Variants in CNTNAP2 observed in about 807,000 individuals in gnomAD.
CNTNAP2 encodes contactin associated protein 2.
A neutral mutation model predicts 155.2 loss-of-function variants in CNTNAP2; 98 were observed. The observed-to-expected ratio is 0.63, with a 90% CI of 0.54 to 0.75. CNTNAP2 has a LOEUF of 0.75. Among genes scored for constraint, CNTNAP2 ranks in the 30% least tolerant of loss-of-function variants. The pLI, the probability that CNTNAP2 is intolerant of heterozygous loss-of-function variation, is 0.00. For synonymous variants in CNTNAP2, 651 were observed against 631.2 expected (o/e 1.03, Z -0.47); for missense variants, 1,727 against 1,688.1 (o/e 1.02, Z -0.40).
chr7:147,039,101 A>T (rs189428161), intron 3 of CNTNAP2, among the ~76,000 whole-genome samples: 2 of 152,308 alleles, frequency 1.3e-5, no homozygotes, highest in African/African-American at 4.8e-5. Flanking sequence ...TTGTATAATT[A>T]TAGGATTTAC....
chr7:146,992,547 T>C (rs1798228406), intron 3 of CNTNAP2, among the ~76,000 whole-genome samples: 1 of 152,054 alleles, frequency 6.6e-6, no homozygotes, highest in Non-Finnish European at 1.5e-5. Context: ...AATCCCAGGT[T>C]CCACCCCAGA....
In CNTNAP2 at chr7:146,901,458, G is replaced by A. The variant is rs77080130; in HGVS notation, c.402+61554G>A. On this transcript the variant is annotated intron_variant, in intron 3 of 23. Coordinates refer to ENST00000361727, the MANE Select transcript of CNTNAP2 (RefSeq NM_014141.6). ...GAATACACAGGGAAAGAATTAAAGA[G>A]CATTACACTTTGTCAATGTTCTAAA... Among the ~76,000 whole-genome samples, 1,050 of 152,224 alleles carry A rather than the reference G, an allele frequency of 6.9e-3. 11 individuals are homozygous for A. Among genetic ancestry groups the A allele is most frequent in the African/African-American group, 0.022 (896 of 41,530 alleles).
intron 15 of CNTNAP2, among the ~76,000 whole-genome samples, chr7:148,096,263 C>CTGCG (rs764726946): frequency 1.4e-5 from 2 of 144,670 alleles, no homozygotes; most frequent in Admixed American, 1.4e-4. Flanking sequence ...GAACGTTTTT[C>CTGCG]TGCGTGCATG....
intron 4 of CNTNAP2, among the ~76,000 whole-genome samples, chr7:147,086,231 G>A (rs1039244714): frequency 5.3e-5 from 8 of 152,112 alleles, no homozygotes; most frequent in African/African-American, 1.9e-4. Context: ...TGGGCTCAAT[G>A]AGTTTTGAAA....
intron 1 of CNTNAP2, among the ~76,000 whole-genome samples, chr7:146,532,799 A>G (rs1797788282): frequency 6.6e-6 from 1 of 152,010 alleles, no homozygotes; most frequent in Admixed American, 6.6e-5. Context: ...TTAAGAGCAG[A>G]ATTGGCCAGG....
intron 1 of CNTNAP2, among the ~76,000 whole-genome samples, chr7:146,215,474 A>C (rs1308545289): frequency 6.6e-6 from 1 of 152,142 alleles, no homozygotes; most frequent in Non-Finnish European, 1.5e-5. Flanking sequence ...AAAAATCGTT[A>C]TGTGATTGAA....
intron 1 of CNTNAP2, among the ~76,000 whole-genome samples, chr7:146,722,116 C>T (rs908644424): frequency 1.1e-4 from 16 of 151,550 alleles, no homozygotes; most frequent in Admixed American, 4.6e-4. Context: ...TTTTGAACTC[C>T]TGATGTCAGG....
At chr7:148,253,953 G>T (rs748324564) in intron 20 of CNTNAP2, among the ~76,000 whole-genome samples, 1 of 152,054 alleles carries the variant, frequency 6.6e-6, no homozygotes, top group Non-Finnish European at 1.5e-5. Context: ...GGCCGACTTT[G>T]CATATACGCA....
At chr7:147,854,513 C>G (rs1799003664) in intron 13 of CNTNAP2, among the ~76,000 whole-genome samples, 2 of 152,096 alleles carry the variant, frequency 1.3e-5, no homozygotes. Flanking sequence ...GAAGTCATTA[C>G]AGTATCAACT....
rs143108633 is a variant in CNTNAP2, at chr7:148,039,086, G to T, written c.2383+61097G>T. 1.9e-4 allele frequency among the ~76,000 whole-genome samples: 29 copies of T among 152,218 alleles called. No individual in the cohort carries two copies. The East Asian group carries it at 4.3e-3, about 22-fold the overall frequency. ...CAATTGGGAGGTTGAGAAATCCTACGCTAGGCTCTCTGCAAGCTGGAGAAC... is the reference window on the plus strand; with the variant it reads ...CAATTGGGAGGTTGAGAAATCCTACTCTAGGCTCTCTGCAAGCTGGAGAAC... On this transcript the variant is annotated intron_variant, in intron 15 of 23. Coordinates refer to ENST00000361727, the MANE Select transcript of CNTNAP2 (RefSeq NM_014141.6).
rs1797628924 is a variant in CNTNAP2, at chr7:146,964,988, AC to A, written c.403-78918del. On this transcript the variant is annotated intron_variant, in intron 3 of 23. Transcript: ENST00000361727. ...AAAACAAAACAAAACAAAACAAAAA[AC>A]AGTGCTACTCCCCTCCTGGAGCTTA... Among the ~76,000 whole-genome samples, 3 of 152,274 alleles carry A rather than the reference AC, an allele frequency of 2.0e-5. 1 individual carries two copies. In the South Asian group the frequency reaches 6.2e-4, roughly 32 times the overall value.
intron 4 of CNTNAP2, among the ~76,000 whole-genome samples, chr7:147,074,311 C>T (rs1237779297): frequency 6.6e-6 from 1 of 151,980 alleles, no homozygotes; most frequent in Non-Finnish European, 1.5e-5. Context: ...TAACTATATT[C>T]CCCTTCCCCA....
intron 18 of CNTNAP2, among the ~76,000 whole-genome samples, chr7:148,195,425 T>C (rs185513613): frequency 5.9e-5 from 9 of 152,090 alleles, no homozygotes; most frequent in Non-Finnish European, 1.2e-4. Flanking sequence ...AACAGGAAAA[T>C]ATTGGTGAAA....
At chr7:147,842,587 C>CTTTTTTT (rs3055146) in intron 13 of CNTNAP2, among the ~76,000 whole-genome samples, 2 of 84,404 alleles carry the variant, frequency 2.4e-5, no homozygotes, top group Non-Finnish European at 2.3e-5. Context: ...TTTTACTTTT[C>CTTTTTTT]TTTTTTTTTT....
intron 4 of CNTNAP2, among the ~76,000 whole-genome samples, chr7:147,091,854 T>A (rs1423973315): frequency 6.6e-6 from 1 of 152,004 alleles, no homozygotes; most frequent in Non-Finnish European, 1.5e-5. Flanking sequence ...GATCCACCTG[T>A]CTGGGCCTCC....
intron 12 of CNTNAP2, among the ~76,000 whole-genome samples, chr7:147,590,368 G>T (rs879471620): frequency 6.6e-6 from 1 of 151,978 alleles, no homozygotes; most frequent in Non-Finnish European, 1.5e-5. Context: ...TGAATCATGG[G>T]GGCAGTTTCC....
chr7:147,234,334 C>CTT (rs1225048153), intron 8 of CNTNAP2, among the ~76,000 whole-genome samples: 48,909 of 107,178 alleles, frequency 0.46, 12,160 homozygotes, highest in East Asian at 0.67. Flanking sequence ...CAAGAGTATT[C>CTT]TTTTTTTTTT....
At chr7:146,639,321 T>C (rs961451040) in intron 1 of CNTNAP2, among the ~76,000 whole-genome samples, 3 of 152,188 alleles carry the variant, frequency 2.0e-5, no homozygotes, top group African/African-American at 7.2e-5. Flanking sequence ...GACATCGTTC[T>C]CTACTATAAA....
At chr7:148,347,961 T>C (rs867776394) in intron 21 of CNTNAP2, among the ~76,000 whole-genome samples, 8 of 152,236 alleles carry the variant, frequency 5.3e-5, no homozygotes, top group African/African-American at 1.7e-4. Flanking sequence ...TCTTTTTTTT[T>C]CTACCTTACT....
Sources: gnomAD v4.1 joint callset for allele counts (sites outside exome capture counted in the v4.1 genomes callset) on GRCh38, gnomAD v4.1.1 for gene constraint, MANE v1.5 for transcripts, NCBI Gene and HGNC (gene_info 2026-07-23, HGNC 2026-07-21) for gene names.